CNTN4: variants seen among roughly 807,000 people sequenced by gnomAD.
CNTN4 encodes the protein contactin-4.
A neutral mutation model predicts 122.5 loss-of-function variants in CNTN4; 77 were observed. The ratio of observed to expected loss-of-function variants is 0.63; its 90% CI spans 0.52 to 0.76. CNTN4 has a LOEUF of 0.76. Ranked by LOEUF, CNTN4 falls within the 30% of genes least tolerant of loss-of-function variation. The pLI is 0.00. For synonymous variants in CNTN4, 512 were observed against 447.0 expected, an observed-to-expected ratio of 1.15 and a Z score of -1.83; for missense variants, 1,256 against 1,259.1, an observed-to-expected ratio of 1.00 and a Z score of 0.04.
chr3:2,952,646 T>C (rs2094757741), intron 13 of CNTN4, among the ~76,000 whole-genome samples: 1 of 152,246 alleles, frequency 6.6e-6, no homozygotes, highest in South Asian at 2.1e-4. Context: ...TTCTATGTTT[T>C]TATTTTTTAT....
intron 6 of CNTN4, among the ~76,000 whole-genome samples, chr3:2,781,992 A>G (rs371080634): frequency 9.0e-4 from 136 of 151,576 alleles, no homozygotes; most frequent in East Asian, 6.4e-3. Context: ...CAAAGTGCTG[A>G]GATTACAGGC....
Position 2,901,671 on chromosome 3 carries a change from C to A in CNTN4, c.1077+850C>A, listed in dbSNP as rs1303071637. Among the ~76,000 whole-genome samples, 2 of 152,128 alleles carry A rather than the reference C, an allele frequency of 1.3e-5. 1 individual carries two copies. The highest frequency in any genetic ancestry group is 2.9e-5 in the Non-Finnish European group (2 of 68,028). On this transcript the variant is annotated intron_variant, in intron 11 of 24. Transcript: ENST00000418658. ...GTCCTGTTGCTTGCTGTGCAGAGAG[C>A]CAATCACTGAGAGAGTGAGTATTGC...
At chr3:2,220,786 A>T (rs2039032952) in intron 2 of CNTN4, among the ~76,000 whole-genome samples, 1 of 152,142 alleles carries the variant, frequency 6.6e-6, no homozygotes, top group Non-Finnish European at 1.5e-5. Context: ...AACAGATAGT[A>T]ATAACTGTTA....
At chr3:2,583,074 C>G (rs917957074) in intron 4 of CNTN4, among the ~76,000 whole-genome samples, 2 of 152,108 alleles carry the variant, frequency 1.3e-5, no homozygotes, top group African/African-American at 2.4e-5. Context: ...TTTCCACATG[C>G]GTGACATCTA....
At chr3:2,732,282 A>T (rs147258344) in intron 4 of CNTN4, among the ~76,000 whole-genome samples, 4 of 152,324 alleles carry the variant, frequency 2.6e-5, no homozygotes, top group Non-Finnish European at 5.9e-5. Flanking sequence ...GCTAGGTTAA[A>T]GGGCAGATTA....
intron 3 of CNTN4, among the ~76,000 whole-genome samples, chr3:2,522,998 C>T (rs2077273614): frequency 6.6e-6 from 1 of 151,994 alleles, no homozygotes; most frequent in Non-Finnish European, 1.5e-5. Context: ...TGCTTTCTGT[C>T]CTAAATTGAT....
intron 3 of CNTN4, among the ~76,000 whole-genome samples, chr3:2,563,480 T>TATTTATC (rs1323692129): frequency 7.2e-5 from 11 of 152,224 alleles, no homozygotes; most frequent in Admixed American, 1.3e-4. Flanking sequence ...TGGTATCTAT[T>TATTTATC]ATTTATCATT....
At chr3:2,322,355 A>C (rs2043302417) in intron 2 of CNTN4, among the ~76,000 whole-genome samples, 1 of 152,192 alleles carries the variant, frequency 6.6e-6, no homozygotes, top group Non-Finnish European at 1.5e-5. Flanking sequence ...AATTTTATTC[A>C]GCCTTAAAGA....
intron 4 of CNTN4, among the ~76,000 whole-genome samples, chr3:2,726,562 G>T (rs1029679681): frequency 6.6e-6 from 1 of 152,206 alleles, no homozygotes; most frequent in African/African-American, 2.4e-5. Flanking sequence ...GCACCATTGA[G>T]TGAATTAGTG....
At chr3:2,160,688 G>A (rs2035926540) in intron 2 of CNTN4, among the ~76,000 whole-genome samples, 1 of 152,138 alleles carries the variant, frequency 6.6e-6, no homozygotes, top group African/African-American at 2.4e-5. Context: ...CCAAACCAAA[G>A]AAAGGGTCCC....
chr3:3,008,689 T>G (rs1696886740), intron 14 of CNTN4, among the ~76,000 whole-genome samples: 1 of 152,170 alleles, frequency 6.6e-6, no homozygotes, highest in African/African-American at 2.4e-5. Context: ...ACAGAGACAC[T>G]CTACATAATA....
At chr3:2,643,471 C>T (rs953186521) in intron 4 of CNTN4, among the ~76,000 whole-genome samples, 3 of 152,114 alleles carry the variant, frequency 2.0e-5, no homozygotes, top group Admixed American at 2.0e-4. Flanking sequence ...AGTGCCCAGC[C>T]GGAAAGCTCT....
chr3:2,251,660 G>A (rs1359048673), intron 2 of CNTN4, among the ~76,000 whole-genome samples: 1 of 151,696 alleles, frequency 6.6e-6, no homozygotes, highest in Admixed American at 6.6e-5. Flanking sequence ...AACATATTAT[G>A]TAGTCTCTTA....
chr3:3,017,690 G>A (rs535425351), intron 14 of CNTN4, among the ~76,000 whole-genome samples: 20 of 152,278 alleles, frequency 1.3e-4, no homozygotes, highest in African/African-American at 3.6e-4. Flanking sequence ...AGTGCAAACT[G>A]CACATTTTTC....
At chr3:2,377,775 A>T (rs9310720) in intron 3 of CNTN4, among the ~76,000 whole-genome samples, 73,853 of 150,018 alleles carry the variant, frequency 0.49, 18,265 homozygotes, top group Middle Eastern at 0.61. Flanking sequence ...TTTTGTGATT[A>T]TTTTTTTTTA....
intron 4 of CNTN4, among the ~76,000 whole-genome samples, chr3:2,637,264 G>C (rs572251937): frequency 2.6e-5 from 4 of 151,948 alleles, no homozygotes; most frequent in African/African-American, 7.2e-5. Context: ...ACATACACAA[G>C]GTGCTTAAAC....
chr3:2,471,006 A>C (rs2151501449), intron 3 of CNTN4, among the ~76,000 whole-genome samples: 1 of 152,364 alleles, frequency 6.6e-6, no homozygotes, highest in Non-Finnish European at 1.5e-5. Flanking sequence ...CTGTTACATA[A>C]GACTCTGTAT....
intron 13 of CNTN4, among the ~76,000 whole-genome samples, chr3:2,950,922 T>C (rs190058672): frequency 6.6e-6 from 1 of 152,338 alleles, no homozygotes; most frequent in East Asian, 1.9e-4. Context: ...TCATATCTTA[T>C]GCACTTAGCA....
chr3:2,400,408 TATATATATATATATATATAC>T (rs1328884686), intron 3 of CNTN4, among the ~76,000 whole-genome samples: 8 of 59,002 alleles, frequency 1.4e-4, no homozygotes, highest in African/African-American at 2.4e-4. Context: ...TGTGTGAATA[TATATATATATATATATATAC>T]ATATATATAT....
Sources: allele counts gnomAD v4.1 joint callset (sites outside exome capture counted in the v4.1 genomes callset), GRCh38; gene constraint gnomAD v4.1.1; transcripts MANE v1.5; gene names NCBI Gene and HGNC (gene_info 2026-07-23, HGNC 2026-07-21).